SEMA3D: variants seen among roughly 807,000 people sequenced by gnomAD.
The protein encoded by SEMA3D is semaphorin-3D.
In SEMA3D, 84 loss-of-function variants were observed where a neutral mutation model predicts 100.1. The observed-to-expected ratio is 0.84, with a 90% CI of 0.70 to 1.01. The LOEUF (loss-of-function observed/expected upper bound fraction) is 1.01. SEMA3D is among the 50% of genes least tolerant of loss of function. The pLI, the probability that SEMA3D is intolerant of heterozygous loss-of-function variation, is 0.00. For missense variants in SEMA3D, 875 were observed against 934.1 expected, an observed-to-expected ratio of 0.94 and a Z score of 0.82; for synonymous variants, 312 against 320.7, an observed-to-expected ratio of 0.97 and a Z score of 0.29.
chr7:85,204,310 T>C, the SEMA3D span, among the ~76,000 whole-genome samples: 5 of 146,264 alleles, frequency 3.4e-5, no homozygotes, highest in African/African-American at 1.3e-4. Context: ...CTTGAATGAA[T>C]AGACCTTTTA....
chr7:85,240,491 G>T, the SEMA3D span, among the ~76,000 whole-genome samples: 1 of 152,172 alleles, frequency 6.6e-6, no homozygotes, highest in South Asian at 2.1e-4. Context: ...ATAGTAGAGC[G>T]ATGGTTACCT....
intron 1 of SEMA3D, among the ~76,000 whole-genome samples, chr7:85,182,510 T>G (rs1360626704): frequency 6.6e-6 from 1 of 152,162 alleles, no homozygotes; most frequent in Non-Finnish European, 1.5e-5. Context: ...TATAAAAAAT[T>G]AGGGAAGACA....
chr7:85,036,985 G>A lies in SEMA3D; in HGVS notation c.1095C>T (p.Ile365=). 1 of 1,613,298 alleles carries A rather than the reference G, an allele frequency of 6.2e-7. No individual in the cohort carries two copies. Among genetic ancestry groups the A allele is most frequent in the Non-Finnish European group, 8.5e-7 (1 of 1,179,548 alleles). The change falls in exon 12 of 19, where the codon ATC becomes ATT. Residue 365 remains isoleucine (I), a synonymous_variant. Coordinates refer to ENST00000284136, the MANE Select transcript of SEMA3D (RefSeq NM_001384900.1). The part of the protein sequence containing the change: ...SAVCVYSMAD[I]RAVFNGPYAH... ...CATATGGACCATTAAAAACTGCTCT[G>A]ATGTCAGCCATGCTATACACACAAA...
chr7:85,074,317 T>G (rs891451100), intron 5 of SEMA3D, among the ~76,000 whole-genome samples: 7 of 152,034 alleles, frequency 4.6e-5, no homozygotes, highest in Admixed American at 3.9e-4. Flanking sequence ...GCTGTTGGGG[T>G]TCCTAGGAGG....
intron 1 of SEMA3D, among the ~76,000 whole-genome samples, chr7:85,182,823 T>C (rs569114762): frequency 6.7e-4 from 102 of 152,304 alleles, no homozygotes; most frequent in Non-Finnish European, 1.2e-3. Context: ...TTATGGAGTG[T>C]TGAAATGCTA....
chr7:85,065,254 T>C (rs1196809824), intron 8 of SEMA3D, among the ~76,000 whole-genome samples, 170 bp downstream of exon 8: 1 of 152,220 alleles, frequency 6.6e-6, no homozygotes, highest in East Asian at 1.9e-4. Flanking sequence ...TATTACTATA[T>C]AAACAAAAGG....
chr7:85,172,611 C>A (rs1368453083), intron 1 of SEMA3D, among the ~76,000 whole-genome samples: 1 of 152,056 alleles, frequency 6.6e-6, no homozygotes, highest in Non-Finnish European at 1.5e-5. Context: ...CCTAAACTTG[C>A]TTCTTGAGGG....
chr7:85,141,972 A>G, intron 2 of SEMA3D: 1 of 982,334 alleles, frequency 1.0e-6, no homozygotes, highest in Non-Finnish European at 1.2e-6. Flanking sequence ...AAAAGAGTTA[A>G]AAAATGCATT....
chr7:85,019,759 C>T (rs73713920), intron 14 of SEMA3D, among the ~76,000 whole-genome samples: 3,904 of 151,472 alleles, frequency 0.026, 188 homozygotes, highest in African/African-American at 0.089. Context: ...CTCTTTTTGC[C>T]GGGTGAGAGG....
the SEMA3D span, among the ~76,000 whole-genome samples, chr7:85,194,092 A>T: frequency 6.6e-6 from 1 of 152,136 alleles, no homozygotes; most frequent in Non-Finnish European, 1.5e-5. Context: ...TAGTTCCAAG[A>T]TAGTTTTTTT....
intron 12 of SEMA3D, among the ~76,000 whole-genome samples, chr7:85,031,239 C>T (rs143848876): frequency 6.6e-6 from 1 of 151,974 alleles, no homozygotes; most frequent in Non-Finnish European, 1.5e-5. Context: ...AGAAGTCTCA[C>T]CACTGGGAGA....
chr7:85,132,518 T>C (rs1340836314), intron 2 of SEMA3D, among the ~76,000 whole-genome samples: 1 of 151,960 alleles, frequency 6.6e-6, no homozygotes, highest in Non-Finnish European at 1.5e-5. Context: ...AGCTAGTATG[T>C]ATCTTAGAAC....
At chr7:85,049,175 A>G (rs1791089678) in intron 9 of SEMA3D, among the ~76,000 whole-genome samples, 1 of 151,820 alleles carries the variant, frequency 6.6e-6, no homozygotes, top group Admixed American at 6.6e-5. Context: ...GAGGAGAAAA[A>G]AAAAGAACAA....
chr7:85,235,730 T>C, the SEMA3D span, among the ~76,000 whole-genome samples: 2 of 152,142 alleles, frequency 1.3e-5, no homozygotes, highest in Non-Finnish European at 2.9e-5. Flanking sequence ...GAATAATGTG[T>C]GTGTCAGAAG....
intron 2 of SEMA3D, among the ~76,000 whole-genome samples, chr7:85,137,768 C>T (rs1183688840): frequency 1.3e-5 from 2 of 152,052 alleles, no homozygotes; most frequent in African/African-American, 4.8e-5. Flanking sequence ...AATTACTTTC[C>T]TTATTCCTCA....
At chr7:85,249,118 C>T in the SEMA3D span, among the ~76,000 whole-genome samples, 2 of 152,156 alleles carry the variant, frequency 1.3e-5, no homozygotes, top group South Asian at 4.1e-4. Context: ...CTCAACTTTG[C>T]TGTTATCCTA....
chr7:85,096,575 TTAAG>T (rs1788560504), intron 4 of SEMA3D, among the ~76,000 whole-genome samples: 1 of 151,896 alleles, frequency 6.6e-6, no homozygotes, highest in Non-Finnish European at 1.5e-5. Context: ...AATTTCTTTA[TTAAG>T]TATGAGCCTT....
chr7:85,097,734 A>G, intron 4 of SEMA3D, 71 bp downstream of exon 4: 1 of 1,036,772 alleles, frequency 9.6e-7, no homozygotes, highest in Non-Finnish European at 1.4e-6. Flanking sequence ...AAAACAAAGC[A>G]AAACAAAACG....
intron 3 of SEMA3D, among the ~76,000 whole-genome samples, chr7:85,105,774 C>G (rs1788902163): frequency 6.6e-6 from 1 of 151,800 alleles, no homozygotes; most frequent in African/African-American, 2.4e-5. Flanking sequence ...AGAACATTAC[C>G]TATATCAATA....
Sources: gnomAD v4.1 joint callset for allele counts (sites outside exome capture counted in the v4.1 genomes callset) on GRCh38, gnomAD v4.1.1 for gene constraint, MANE v1.5 for transcripts, NCBI Gene and HGNC (gene_info 2026-07-23, HGNC 2026-07-21) for gene names.